Variants in DSCAM observed in about 807,000 individuals in gnomAD.
DSCAM encodes cell adhesion molecule DSCAM.
A neutral mutation model predicts 217.7 loss-of-function variants in DSCAM; 47 were observed. The ratio of observed to expected loss-of-function variants is 0.22; its 90% CI spans 0.17 to 0.28. DSCAM has a LOEUF of 0.28. DSCAM is among the 10% of genes least tolerant of loss of function. The pLI, the probability that DSCAM is intolerant of heterozygous loss-of-function variation, is 1.00. For missense variants in DSCAM, 2,080 were observed against 2,618.3 expected, an observed-to-expected ratio of 0.79 and a Z score of 4.49; for synonymous variants, 1,056 against 1,015.3, an observed-to-expected ratio of 1.04 and a Z score of -0.76.
intron 1 of DSCAM, among the ~76,000 whole-genome samples, chr21:40,792,315 T>G (rs2091653744): frequency 6.6e-6 from 1 of 152,018 alleles, no homozygotes; most frequent in African/African-American, 2.4e-5. Flanking sequence ...ATTTTTTGTA[T>G]TTTTAGTAGA....
intron 1 of DSCAM, among the ~76,000 whole-genome samples, chr21:40,839,636 CT>C (rs368562031): frequency 1.9e-4 from 28 of 148,516 alleles, no homozygotes; most frequent in African/African-American, 2.5e-4. Flanking sequence ...GGTTGGTATG[CT>C]TTTTTTTTTG....
At chr21:40,101,601 T>G (rs1279782169) in intron 20 of DSCAM, among the ~76,000 whole-genome samples, 2 of 152,080 alleles carry the variant, frequency 1.3e-5, no homozygotes, top group Non-Finnish European at 2.9e-5. Flanking sequence ...GCCCGGGGGT[T>G]GGGGAATCCT....
rs565609019 is a variant in DSCAM at position 40,312,263 on chromosome 21, G to T, written c.1880C>A (p.Thr627Lys). Residue 627 changes from threonine (T) to lysine (K), a missense_variant, in exon 9 of 33, where the codon ACG becomes AAG. Around this residue, in one of 5 missense-constraint regions of DSCAM, gnomAD observed 218 missense variants for 364.1 expected, o/e 0.60. Transcript: ENST00000400454. ...CCGGCCATCCTTCTGCCAGGTGATC[G>T]TGATGGGTAAGTCCCCTGAGACCAC... The part of the protein sequence containing the change: ...CVVVSGDLPI[T>K]ITWQKDGRPI... 1.9e-6 allele frequency: 3 copies of T among 1,614,118 alleles called. No homozygotes were observed. Among genetic ancestry groups the T allele is most frequent in the African/African-American group, 1.3e-5 (1 of 75,030 alleles).
chr21:40,176,612 A>G (rs939665992), intron 15 of DSCAM, among the ~76,000 whole-genome samples: 2 of 152,022 alleles, frequency 1.3e-5, no homozygotes, highest in African/African-American at 4.8e-5. Flanking sequence ...AGTCATGCAA[A>G]CCTATGAACC....
chr21:40,326,302 G>C (rs2074316354), intron 8 of DSCAM, among the ~76,000 whole-genome samples: 1 of 152,134 alleles, frequency 6.6e-6, no homozygotes, highest in Non-Finnish European at 1.5e-5. Context: ...GTGGGACATG[G>C]GCTGCAACTA....
intron 1 of DSCAM, among the ~76,000 whole-genome samples, chr21:40,818,565 A>T (rs1182325636): frequency 1.8e-4 from 22 of 119,316 alleles, no homozygotes; most frequent in African/African-American, 7.4e-4. Flanking sequence ...AAAAAAAAAA[A>T]AAAAAAAAAA....
intron 3 of DSCAM, among the ~76,000 whole-genome samples, chr21:40,582,311 T>C (rs2076911636): frequency 6.6e-6 from 1 of 152,170 alleles, no homozygotes; most frequent in Admixed American, 6.5e-5. Flanking sequence ...AAAACACCTA[T>C]ATCAAATATT....
intron 1 of DSCAM, among the ~76,000 whole-genome samples, chr21:40,818,097 C>G (rs1044163121): frequency 2.3e-5 from 2 of 86,856 alleles, no homozygotes; most frequent in African/African-American, 9.8e-5. Flanking sequence ...AGCGAGACTC[C>G]GTCTCAAAAA....
chr21:40,392,710 A>G (rs981107113), intron 3 of DSCAM, among the ~76,000 whole-genome samples: 1 of 152,166 alleles, frequency 6.6e-6, no homozygotes, highest in African/African-American at 2.4e-5. Context: ...CATTTCCCCC[A>G]GGTCCTGCCA....
intron 3 of DSCAM, among the ~76,000 whole-genome samples, chr21:40,501,834 C>T (rs2076172333): frequency 6.6e-6 from 1 of 152,182 alleles, no homozygotes; most frequent in African/African-American, 2.4e-5. Context: ...TCAGGTGATC[C>T]ACCCCCACCT....
chr21:40,026,678 G>C lies in DSCAM; in HGVS notation c.5687-13292C>G, dbSNP rs944765034. Among the ~76,000 whole-genome samples, 275 of 148,620 alleles carry C rather than the reference G, an allele frequency of 1.9e-3. 12 individuals carry two copies. Among genetic ancestry groups the C allele is most frequent in the African/African-American group, 6.3e-3 (251 of 40,022 alleles). On this transcript the variant is annotated intron_variant, in intron 32 of 32. Coordinates refer to ENST00000400454, the MANE Select transcript of DSCAM (RefSeq NM_001389.5). ...TGTTGGCTTAAAGTCTGTTTTATCC[G>C]AGACTAGGATTGCAACCCCTGCCTT...
At chr21:40,722,951 A>G (rs1005010393) in intron 1 of DSCAM, among the ~76,000 whole-genome samples, 2 of 151,954 alleles carry the variant, frequency 1.3e-5, no homozygotes, top group African/African-American at 4.8e-5. Context: ...AAAGTGGTCA[A>G]TTCATCAAGG....
intron 27 of DSCAM, among the ~76,000 whole-genome samples, chr21:40,064,493 C>T (rs902029616): frequency 1.3e-5 from 2 of 152,128 alleles, no homozygotes; most frequent in African/African-American, 4.8e-5. Flanking sequence ...AAGAGCTCCC[C>T]ACAATGACTG....
chr21:40,425,354 C>T (rs2123828447), intron 3 of DSCAM, among the ~76,000 whole-genome samples: 1 of 152,082 alleles, frequency 6.6e-6, no homozygotes, highest in East Asian at 1.9e-4. Flanking sequence ...GGTGAAACCC[C>T]GTCTCTACTA....
intron 3 of DSCAM, among the ~76,000 whole-genome samples, chr21:40,425,827 G>A (rs1012946030): frequency 6.6e-6 from 1 of 151,954 alleles, no homozygotes; most frequent in South Asian, 2.1e-4. Context: ...ACACACACAT[G>A]CATGTGTATC....
intron 3 of DSCAM, among the ~76,000 whole-genome samples, chr21:40,635,287 G>A (rs994282961): frequency 3.9e-5 from 6 of 152,150 alleles, no homozygotes; most frequent in Admixed American, 2.6e-4. Flanking sequence ...AAAAGGACAG[G>A]GCAGCAGTAC....
chr21:40,702,746 T>C (rs190853941), intron 2 of DSCAM, among the ~76,000 whole-genome samples: 138 of 152,296 alleles, frequency 9.1e-4, no homozygotes, highest in African/African-American at 3.3e-3. Context: ...ATGATTCTAT[T>C]TTTTCTCCTT....
intron 2 of DSCAM, among the ~76,000 whole-genome samples, chr21:40,700,290 C>A (rs2090641323): frequency 6.6e-6 from 1 of 152,170 alleles, no homozygotes; most frequent in Non-Finnish European, 1.5e-5. Context: ...GGGGTGAAAA[C>A]ATTTCATCTT....
Position 40,080,430 on chromosome 21 carries a change from C to T in DSCAM, c.4232-90G>A, listed in dbSNP as rs187005008. 2.5e-5 allele frequency: 29 copies of T among 1,137,582 alleles called. No homozygotes were observed. The East Asian group carries it at 4.3e-4, about 17-fold the overall frequency. The allele number at this position is 1,137,582 out of a possible 1,614,324, so 70.5% of individuals were successfully genotyped here. A position where few individuals can be genotyped will look rare whatever the true frequency, so the allele number is the denominator to read the frequency against. ...CTTGCATTTTGTGTGGGTAATAGAACGAGCATTCTCAGAACTGAAGAATCT... is the reference window on the plus strand; with the variant it reads ...CTTGCATTTTGTGTGGGTAATAGAATGAGCATTCTCAGAACTGAAGAATCT... On this transcript the variant is annotated intron_variant, in intron 24 of 32. Coordinates refer to ENST00000400454, the MANE Select transcript of DSCAM (RefSeq NM_001389.5).
Sources: allele counts gnomAD v4.1 joint callset (sites outside exome capture counted in the v4.1 genomes callset), GRCh38; gene constraint gnomAD v4.1.1; regional missense constraint gnomAD v4.1.1; transcripts MANE v1.5; gene names NCBI Gene and HGNC (gene_info 2026-07-23, HGNC 2026-07-21).